Variants in PLCG2 observed in about 807,000 individuals in gnomAD.
PLCG2 encodes the protein phospholipase C gamma 2.
PLCG2 carries 69 observed loss-of-function variants against 175.6 expected under a neutral mutation model. The ratio of observed to expected loss-of-function variants is 0.39; its 90% CI spans 0.32 to 0.48. PLCG2 has a LOEUF of 0.48. Among genes scored for constraint, PLCG2 ranks in the 20% least tolerant of loss-of-function variants. PLCG2 has a pLI of 0.91. For synonymous variants in PLCG2, 827 were observed against 624.0 expected (o/e 1.33, Z -4.85); for missense variants, 1,798 against 1,650.9 (o/e 1.09, Z -1.54).
chr16:81,797,555 G>C (rs760451758), intron 2 of PLCG2, among the ~76,000 whole-genome samples: 8 of 152,230 alleles, frequency 5.3e-5, no homozygotes, highest in Non-Finnish European at 1.0e-4. Context: ...TCATAAGGGG[G>C]ACTTCCCAGC....
At chr16:81,859,269 C>G in intron 5 of PLCG2, 106 bp downstream of exon 5, 1 of 739,694 alleles carries the variant, frequency 1.4e-6, no homozygotes. Context: ...GCAAGGTCCT[C>G]ACTGCGTCCA....
Position 81,860,928 on chromosome 16 carries a change from G to A in PLCG2, c.479+1765G>A, listed in dbSNP as rs1906948409. On this transcript the variant is annotated intron_variant, in intron 5 of 32. Coordinates refer to ENST00000564138, the MANE Select transcript of PLCG2 (RefSeq NM_002661.5). ...GGAGGTGGAGGTTGCAGTGAGCCGAGATCGCGCCACTCTACTGTGGCCTGG... is the reference window on the plus strand; with the variant it reads ...GGAGGTGGAGGTTGCAGTGAGCCGAAATCGCGCCACTCTACTGTGGCCTGG... Among the ~76,000 whole-genome samples, 3 of 152,044 alleles carry A rather than the reference G, an allele frequency of 2.0e-5. No individual in the cohort carries two copies. In the South Asian group the frequency reaches 6.2e-4, roughly 32 times the overall value.
At chr16:81,847,433 G>A (rs1378690958) in intron 2 of PLCG2, among the ~76,000 whole-genome samples, 3 of 151,972 alleles carry the variant, frequency 2.0e-5, no homozygotes, top group Non-Finnish European at 4.4e-5. Context: ...CTGGACGTTG[G>A]GGGTAGGGCT....
At position 81,854,596 on chromosome 16, in the gene PLCG2, A is replaced by T; in HGVS notation, c.337+9A>T. The T allele has an allele frequency of 6.2e-7, 1 of 1,612,456 alleles. No individual in the cohort carries two copies. Among genetic ancestry groups the T allele is most frequent in the Non-Finnish European group, 8.5e-7 (1 of 1,178,616 alleles). Reference sequence around the variant, plus strand: ...CACGCTCAGCTTGGCAGGTAGGTGCATGTTTCTGTGCCTTTCTCCTTCCCT... The same window carrying T: ...CACGCTCAGCTTGGCAGGTAGGTGCTTGTTTCTGTGCCTTTCTCCTTCCCT... On this transcript the variant is annotated intron_variant, in intron 3 of 32. Transcript: ENST00000564138.
upstream of PLCG2, among the ~76,000 whole-genome samples, chr16:81,778,051 A>AC (rs1597311877): frequency 7.6e-5 from 6 of 79,182 alleles, no homozygotes; most frequent in African/African-American, 1.9e-4. Flanking sequence ...AACAAAAAAA[A>AC]AAACAAAAAA....
At chr16:81,808,889 G>A (rs1392472004) in intron 2 of PLCG2, among the ~76,000 whole-genome samples, 5 of 152,182 alleles carry the variant, frequency 3.3e-5, no homozygotes, top group Admixed American at 2.0e-4. Flanking sequence ...TGCTGGAGGG[G>A]CTCCCATGAG....
chr16:81,850,414 G>A (rs1281413225), intron 2 of PLCG2, among the ~76,000 whole-genome samples: 1 of 152,198 alleles, frequency 6.6e-6, no homozygotes, highest in Non-Finnish European at 1.5e-5. Context: ...TTGTTTTTGA[G>A]GAGTGAAGAT....
At chr16:81,863,676 C>T (rs1378197449) in intron 5 of PLCG2, among the ~76,000 whole-genome samples, 1 of 152,264 alleles carries the variant, frequency 6.6e-6, no homozygotes, top group African/African-American at 2.4e-5. Context: ...GCTACACCTT[C>T]CCAAGGCAGT....
intron 30 of PLCG2, among the ~76,000 whole-genome samples, chr16:81,945,048 A>G (rs1167171309): frequency 2.0e-5 from 3 of 152,242 alleles, no homozygotes; most frequent in African/African-American, 7.2e-5. Context: ...CCATGTCCAT[A>G]CAGAAATGAC....
At chr16:81,945,936 C>T (rs1041222192) in intron 30 of PLCG2, among the ~76,000 whole-genome samples, 3 of 152,118 alleles carry the variant, frequency 2.0e-5, no homozygotes, top group Non-Finnish European at 4.4e-5. Context: ...ATTTTTATTT[C>T]TAGATGGTAG....
At chr16:81,763,063 ATAAT>A (rs545993993) in intron 2 of PLCG2, among the ~76,000 whole-genome samples, 156 of 152,354 alleles carry the variant, frequency 1.0e-3, no homozygotes, top group African/African-American at 3.6e-3. Flanking sequence ...TCTCTTAAAA[ATAAT>A]TAAATCAACA....
chr16:81,925,654 G>A (rs898012742), intron 22 of PLCG2, among the ~76,000 whole-genome samples: 11 of 152,182 alleles, frequency 7.2e-5, no homozygotes, highest in African/African-American at 2.2e-4. Context: ...TTGGGAGGCC[G>A]AGGCGGGTGG....
In PLCG2 at chr16:81,910,673, G is replaced by T; in HGVS notation, c.1887G>T (p.Leu629=). 2 of 1,612,922 alleles carry T rather than the reference G, an allele frequency of 1.2e-6. No individual in the cohort carries two copies. The highest frequency in any genetic ancestry group is 1.7e-6 in the Non-Finnish European group (2 of 1,180,004). The change falls in exon 18 of 33, where the codon CTG becomes CTT. Residue 629 remains leucine (L), a synonymous_variant. Coordinates refer to ENST00000564138, the MANE Select transcript of PLCG2 (RefSeq NM_002661.5). Reference sequence around the variant, plus strand: ...ACCTGCGCTGCGCCGAGTTCGAGCTGCGGCTCACGGACCCTGTGCCCAACC... The same window carrying T: ...ACCTGCGCTGCGCCGAGTTCGAGCTTCGGCTCACGGACCCTGTGCCCAACC... ...ETHLRCAEFE[L]RLTDPVPNPN... is the part of the protein sequence containing the mutation.
chr16:81,811,891 A>G (rs886928992), intron 2 of PLCG2, among the ~76,000 whole-genome samples: 2 of 152,120 alleles, frequency 1.3e-5, no homozygotes, highest in Admixed American at 1.3e-4. Context: ...ACCCAGTAAT[A>G]GGATTGCTGG....
chr16:81,891,045 C>T (rs1908606894), intron 10 of PLCG2, among the ~76,000 whole-genome samples: 1 of 152,032 alleles, frequency 6.6e-6, no homozygotes, highest in Admixed American at 6.6e-5. Flanking sequence ...CGCCTGTTAT[C>T]CTAGCTGCTT....
chr16:81,763,352 T>C (rs1051857188), intron 2 of PLCG2, among the ~76,000 whole-genome samples: 7 of 152,202 alleles, frequency 4.6e-5, no homozygotes, highest in African/African-American at 1.7e-4. Context: ...TTTCTCATGG[T>C]TTCTGTGGGT....
At chr16:81,856,379 G>A (rs1430562226) in intron 3 of PLCG2, among the ~76,000 whole-genome samples, 1 of 152,172 alleles carries the variant, frequency 6.6e-6, no homozygotes, top group Non-Finnish European at 1.5e-5. Context: ...CTGAAGTGGT[G>A]CAGTGGGACT....
chr16:81,805,315 C>T (rs536653055), intron 2 of PLCG2, among the ~76,000 whole-genome samples: 32 of 152,052 alleles, frequency 2.1e-4, no homozygotes, highest in African/African-American at 6.8e-4. Flanking sequence ...CTGACTAACA[C>T]GGTGAAACTC....
Position 81,851,571 on chromosome 16 carries a change from G to T in PLCG2, c.194-2873G>T, listed in dbSNP as rs370389641. 3.3e-4 allele frequency among the ~76,000 whole-genome samples: 51 copies of T among 152,250 alleles called. 1 individual carries two copies. In the East Asian group the frequency reaches 3.7e-3, roughly 11 times the overall value. ...TCTGTCACCCAGGCTGGAGTGCAGT[G>T]GCGTGGTCTCGGCTCCCTGCAACCT... On this transcript the variant is annotated intron_variant, in intron 2 of 32. Coordinates refer to ENST00000564138, the MANE Select transcript of PLCG2 (RefSeq NM_002661.5).
Sources: allele counts gnomAD v4.1 joint callset (sites outside exome capture counted in the v4.1 genomes callset), GRCh38; gene constraint gnomAD v4.1.1; transcripts MANE v1.5; gene names NCBI Gene and HGNC (gene_info 2026-07-23, HGNC 2026-07-21).